The following PTPN22 variants were observed in gnomAD, a reference collection of about 807,000 sequenced individuals.
PTPN22 encodes the protein protein tyrosine phosphatase non-receptor type 22, also known as tyrosine-protein phosphatase non-receptor type 22.
PTPN22 carries 85 observed loss-of-function variants against 103.3 expected under a neutral mutation model. The ratio of observed to expected loss-of-function variants is 0.82; its 90% CI spans 0.69 to 0.99. The LOEUF (loss-of-function observed/expected upper bound fraction) is 0.99. PTPN22 is among the 50% of genes least tolerant of loss of function. The pLI is 0.00. For synonymous variants in PTPN22, 323 were observed against 310.2 expected, an observed-to-expected ratio of 1.04 and a Z score of -0.43; for missense variants, 865 against 936.9, an observed-to-expected ratio of 0.92 and a Z score of 1.00.
chr1:113,825,052 T>C (rs1024175871), intron 19 of PTPN22, 90 bp downstream of exon 19: 30 of 955,756 alleles, frequency 3.1e-5, no homozygotes, highest in South Asian at 4.8e-5. Context: ...AGGAATAATA[T>C]TGTTAATCTT....
chr1:113,817,959 CTT>C (rs1178183326), intron 20 of PTPN22, among the ~76,000 whole-genome samples: 1 of 140,826 alleles, frequency 7.1e-6, no homozygotes, highest in Admixed American at 7.1e-5. Context: ...TTCTTTTTTC[CTT>C]TTTTTTTTTT....
At chr1:113,864,415 G>GAAGAA (rs1265519450) in intron 1 of PTPN22, 6 of 250,748 alleles carry the variant, frequency 2.4e-5, no homozygotes, top group African/African-American at 1.3e-4. Context: ...AGAAAGAAAA[G>GAAGAA]AAGAAAAGAA....
intron 19 of PTPN22, chr1:113,823,482 A>C (rs551115901): frequency 6.6e-6 from 1 of 152,264 alleles, no homozygotes; most frequent in East Asian, 1.9e-4. Context: ...ATTTAACGGC[A>C]AAAGACCAGA....
chr1:113,840,116 C>A lies in PTPN22; in HGVS notation c.916-1496G>T, dbSNP rs200950066. Among the ~76,000 whole-genome samples the A allele has an allele frequency of 5.3e-5, 8 of 151,226 alleles. No individual in the cohort carries two copies. The East Asian group carries it at 1.6e-3, about 29-fold the overall frequency. On this transcript the variant is annotated intron_variant, in intron 11 of 20. Transcript: ENST00000359785. The stretch of plus-strand genomic sequence containing the variant: ...ATCCCACCTATTCGGGAGGCTGAAG[C>A]AGGAGACTTGCTTGAGCCCAGGAGG...
At chr1:113,856,052 C>T (rs1665034648) in intron 7 of PTPN22, among the ~76,000 whole-genome samples, 1 of 152,186 alleles carries the variant, frequency 6.6e-6, no homozygotes, top group African/African-American at 2.4e-5. Flanking sequence ...CTTGCTCTGT[C>T]ACCCAGGCTG....
chr1:113,818,692 C>A (rs140409537), intron 20 of PTPN22, among the ~76,000 whole-genome samples: 4 of 152,276 alleles, frequency 2.6e-5, no homozygotes, highest in African/African-American at 7.2e-5. Flanking sequence ...TTACATTTCC[C>A]AGTCTCTTTT....
At chr1:113,852,449 T>A (rs1302637976) in intron 9 of PTPN22, among the ~76,000 whole-genome samples, 2 of 152,226 alleles carry the variant, frequency 1.3e-5, no homozygotes, top group Admixed American at 1.3e-4. Context: ...GGCCATATTT[T>A]AAACTTCCCA....
intron 2 of PTPN22, 72 bp from the exon 3 acceptor site, chr1:113,859,150 T>C: frequency 6.3e-7 from 1 of 1,587,818 alleles, no homozygotes; most frequent in Non-Finnish European, 8.6e-7. Flanking sequence ...GGCCTAACAC[T>C]GTGAATAGTG....
chr1:113,818,162 T>C (rs1363893359), intron 20 of PTPN22, among the ~76,000 whole-genome samples: 9 of 152,034 alleles, frequency 5.9e-5, no homozygotes, highest in Non-Finnish European at 1.3e-4. Flanking sequence ...AACTTATTTT[T>C]TAAATTATAA....
chr1:113,828,672 T>A (rs1262547196), intron 18 of PTPN22, among the ~76,000 whole-genome samples: 1 of 152,204 alleles, frequency 6.6e-6, no homozygotes, highest in East Asian at 1.9e-4. Context: ...AGATGACGTC[T>A]CACTCTGTCA....
chr1:113,856,552 G>A (rs370676330), exon 6 of PTPN22: 1 of 1,614,014 alleles, frequency 6.2e-7, no homozygotes, highest in Non-Finnish European at 8.5e-7. Context: ...ACTTACACAG[G>A]ATACAGAGAA....
intron 1 of PTPN22, among the ~76,000 whole-genome samples, chr1:113,867,974 C>T (rs931385278): frequency 1.3e-5 from 2 of 152,138 alleles, no homozygotes; most frequent in Non-Finnish European, 2.9e-5. Flanking sequence ...CTATACATGA[C>T]CTCTTGTATA....
intron 1 of PTPN22, among the ~76,000 whole-genome samples, chr1:113,868,189 T>G (rs1475586276): frequency 4.6e-5 from 7 of 152,166 alleles, no homozygotes; most frequent in Non-Finnish European, 1.0e-4. Context: ...TGTACAAAGA[T>G]GTATGGCCAA....
chr1:113,819,777 G>A (rs548480546), intron 19 of PTPN22, 123 bp from the exon 20 acceptor site: 2 of 534,604 alleles, frequency 3.7e-6, no homozygotes, highest in Non-Finnish European at 6.0e-6. Context: ...ACTGTCAAAT[G>A]TTAACAAAAT....
intron 16 of PTPN22, 25 bp from the exon 17 acceptor site, chr1:113,830,054 A>G (rs1409889919): frequency 6.7e-7 from 1 of 1,496,742 alleles, no homozygotes; most frequent in South Asian, 1.2e-5. Flanking sequence ...TATACAATAA[A>G]CCAGAGAAAT....
chr1:113,854,352 C>T (rs970645010), intron 9 of PTPN22, 119 bp downstream of exon 9: 2 of 987,286 alleles, frequency 2.0e-6, no homozygotes, highest in Non-Finnish European at 1.5e-6. Flanking sequence ...AGTGGGTCTA[C>T]AAGTACATTT....
chr1:113,818,572 G>A (rs1245762023), intron 20 of PTPN22, among the ~76,000 whole-genome samples: 1 of 152,134 alleles, frequency 6.6e-6, no homozygotes, highest in Non-Finnish European at 1.5e-5. Flanking sequence ...ATGACACAGG[G>A]ACTCTTAACT....
intron 11 of PTPN22, among the ~76,000 whole-genome samples, chr1:113,842,872 C>T (rs1265212419): frequency 1.3e-5 from 2 of 151,086 alleles, no homozygotes; most frequent in African/African-American, 2.4e-5. Context: ...GAGGCCGAGG[C>T]GGGCGGATCA....
intron 9 of PTPN22, 113 bp from the exon 10 acceptor site, chr1:113,852,217 C>A: frequency 1.4e-6 from 1 of 715,980 alleles, no homozygotes. Context: ...GGGGTAATAT[C>A]AGAAAAATGA....
Sources: gnomAD v4.1 joint callset for allele counts (sites outside exome capture counted in the v4.1 genomes callset) on GRCh38, gnomAD v4.1.1 for gene constraint, MANE v1.5 for transcripts, NCBI Gene and HGNC (gene_info 2026-07-23, HGNC 2026-07-21) for gene names.